The following IL1RAPL1 variants were observed in gnomAD, a reference collection of about 807,000 sequenced individuals.
IL1RAPL1 encodes interleukin 1 receptor accessory protein like 1.
A neutral mutation model predicts 48.4 loss-of-function variants in IL1RAPL1; 3 were observed. The ratio of observed to expected loss-of-function variants is 0.06; its 90% CI spans 0.03 to 0.16. IL1RAPL1 has a LOEUF of 0.16. IL1RAPL1 is among the 10% of genes least tolerant of loss of function. IL1RAPL1 has a pLI of 1.00. For missense variants in IL1RAPL1, 349 were observed against 530.6 expected, an observed-to-expected ratio of 0.66 and a Z score of 3.36; for synonymous variants, 185 against 187.7, an observed-to-expected ratio of 0.99 and a Z score of 0.12.
intron 1 of IL1RAPL1, among the ~76,000 whole-genome samples, chrX:28,731,373 ATT>A (rs1456038023): frequency 4.5e-5 from 5 of 111,247 alleles, no homozygotes; most frequent in Admixed American, 1.9e-4. Flanking sequence ...GTATTTTTCC[ATT>A]TTCTTTGCTG....
chrX:29,636,738 G>A (rs898478932), intron 5 of IL1RAPL1, among the ~76,000 whole-genome samples: 1 of 111,407 alleles, frequency 9.0e-6, no homozygotes, highest in Non-Finnish European at 1.9e-5. Context: ...GTTTATAACA[G>A]CAAAAAAAAT....
At chrX:28,836,676 C>T (rs757833318) in intron 2 of IL1RAPL1, among the ~76,000 whole-genome samples, 50 of 109,929 alleles carry the variant, frequency 4.5e-4, no homozygotes, top group African/African-American at 1.4e-3. Context: ...ACACGATCTA[C>T]GAGAAGGAAA....
chrX:29,395,337 T>A (rs1933907952), intron 3 of IL1RAPL1, among the ~76,000 whole-genome samples: 1 of 111,729 alleles, frequency 9.0e-6, no homozygotes. Context: ...AATATTTTAT[T>A]CCTCTCTTTC....
chrX:29,299,110 A>G (rs889904202), intron 3 of IL1RAPL1, among the ~76,000 whole-genome samples: 3 of 109,828 alleles, frequency 2.7e-5, no homozygotes, highest in Non-Finnish European at 5.7e-5. Context: ...CCCAGCCTAC[A>G]TCTTTCTCCC....
chrX:28,654,213 A>AC (rs201231864), intron 1 of IL1RAPL1, among the ~76,000 whole-genome samples: 222 of 104,909 alleles, frequency 2.1e-3, no homozygotes, highest in Non-Finnish European at 3.0e-3. Context: ...TAAAAAAAAA[A>AC]ACACACACGA....
intron 5 of IL1RAPL1, among the ~76,000 whole-genome samples, chrX:29,517,989 G>A (rs191363237): frequency 8.9e-6 from 1 of 111,785 alleles, no homozygotes; most frequent in Non-Finnish European, 1.9e-5. Context: ...AAGAGGAACC[G>A]TCATTGGTTA....
At chrX:29,816,359 C>A (rs1294058301) in intron 6 of IL1RAPL1, among the ~76,000 whole-genome samples, 1 of 110,713 alleles carries the variant, frequency 9.0e-6, no homozygotes, top group Non-Finnish European at 1.9e-5. Context: ...CACAATCTCC[C>A]AAGATTGAAC....
chrX:29,597,449 G>A (rs1037382753), intron 5 of IL1RAPL1, among the ~76,000 whole-genome samples: 3 of 111,403 alleles, frequency 2.7e-5, no homozygotes, highest in Non-Finnish European at 3.8e-5. Flanking sequence ...CACCACGCCC[G>A]GCCTTGTTGA....
chrX:28,815,219 T>C (rs1190476860), intron 2 of IL1RAPL1, among the ~76,000 whole-genome samples: 1 of 111,185 alleles, frequency 9.0e-6, no homozygotes, highest in East Asian at 2.8e-4. Flanking sequence ...AGGGCAGATC[T>C]GCTATGATGA....
chrX:29,041,618 A>G (rs5943473), intron 2 of IL1RAPL1, among the ~76,000 whole-genome samples: 1,835 of 112,321 alleles, frequency 0.016, 19 homozygotes, highest in Non-Finnish European at 0.026. Context: ...TAAGTAAGTG[A>G]CAGTGTGCTG....
intron 5 of IL1RAPL1, among the ~76,000 whole-genome samples, chrX:29,666,207 C>A (rs1340231694): frequency 9.0e-6 from 1 of 111,235 alleles, no homozygotes; most frequent in Admixed American, 9.6e-5. Flanking sequence ...ATATTCCAAA[C>A]CCTGTATCAT....
chrX:29,271,328 C>T (rs1180793862), intron 2 of IL1RAPL1, among the ~76,000 whole-genome samples: 1 of 111,974 alleles, frequency 8.9e-6, no homozygotes, highest in African/African-American at 3.2e-5. Context: ...TGAACATATG[C>T]ATACATGTGT....
intron 6 of IL1RAPL1, among the ~76,000 whole-genome samples, chrX:29,810,277 A>ACCTCC (rs754016318): frequency 5.5e-5 from 6 of 109,862 alleles, no homozygotes; most frequent in Admixed American, 1.9e-4. Flanking sequence ...TGCACCCTCC[A>ACCTCC]CCTCCCAGGT....
At chrX:29,591,127 T>G (rs1923357425) in intron 5 of IL1RAPL1, among the ~76,000 whole-genome samples, 1 of 111,627 alleles carries the variant, frequency 9.0e-6, no homozygotes, top group South Asian at 3.8e-4. Context: ...ATGGAAGTGT[T>G]AGTACCATCC....
chrX:28,897,485 G>A (rs899717654), intron 2 of IL1RAPL1, among the ~76,000 whole-genome samples: 80 of 98,961 alleles, frequency 8.1e-4, no homozygotes, highest in Non-Finnish European at 1.2e-3. Flanking sequence ...GAAGTGTGGC[G>A]CCAAGATTGA....
At chrX:29,286,399 T>C (rs958720821) in intron 3 of IL1RAPL1, among the ~76,000 whole-genome samples, 16 of 111,792 alleles carry the variant, frequency 1.4e-4, no homozygotes, top group Non-Finnish European at 2.6e-4. Flanking sequence ...AAAAATTTGG[T>C]GGCCAGGTGT....
chrX:29,923,614 TTCTTG>T, intron 8 of IL1RAPL1, among the ~76,000 whole-genome samples: 1 of 111,992 alleles, frequency 8.9e-6, no homozygotes, highest in East Asian at 2.8e-4. Flanking sequence ...ATTGGGTTAC[TTCTTG>T]TTCTTGTTAT....
intron 1 of IL1RAPL1, among the ~76,000 whole-genome samples, chrX:28,621,559 GCAAACTTAAAAGTA>G (rs1270103298): frequency 1.8e-5 from 2 of 111,543 alleles, no homozygotes; most frequent in African/African-American, 6.5e-5. Context: ...GCATTCTTTT[GCAAACTTAAAAGTA>G]CAAATTCTAT....
intron 2 of IL1RAPL1, among the ~76,000 whole-genome samples, chrX:28,909,849 C>T (rs1923312468): frequency 9.0e-6 from 1 of 111,551 alleles, no homozygotes; most frequent in Non-Finnish European, 1.9e-5. Context: ...ATCTGTTCTT[C>T]CACAAAGATG....
Sources: gnomAD v4.1 joint callset for allele counts (sites outside exome capture counted in the v4.1 genomes callset) on GRCh38, gnomAD v4.1.1 for gene constraint, MANE v1.5 for transcripts, NCBI Gene and HGNC (gene_info 2026-07-23, HGNC 2026-07-21) for gene names.